Variants in LEKR1 observed in about 807,000 individuals in gnomAD.
LEKR1 encodes leucine, glutamate and lysine rich 1.
LEKR1 carries 59 observed loss-of-function variants against 72.4 expected under a neutral mutation model. The observed-to-expected ratio is 0.82, with a 90% CI of 0.66 to 1.01. The LOEUF is 1.01. LEKR1 is among the 50% of genes least tolerant of loss of function. The pLI, the probability that LEKR1 is intolerant of heterozygous loss-of-function variation, is 0.00. For missense variants in LEKR1, 728 were observed against 759.2 expected, an observed-to-expected ratio of 0.96 and a Z score of 0.48; for synonymous variants, 257 against 263.2, an observed-to-expected ratio of 0.98 and a Z score of 0.23.
intron 1 of LEKR1, among the ~76,000 whole-genome samples, chr3:156,827,263 C>T (rs1052250803): frequency 2.6e-5 from 4 of 152,154 alleles, no homozygotes; most frequent in African/African-American, 9.7e-5. Flanking sequence ...TCTTGAGGAC[C>T]TGGAAGCCAT....
At chr3:156,954,083 T>C (rs964760721) in intron 6 of LEKR1, among the ~76,000 whole-genome samples, 5 of 152,088 alleles carry the variant, frequency 3.3e-5, no homozygotes, top group African/African-American at 1.2e-4. Flanking sequence ...TGGTATCTTA[T>C]TGTGGTTTTA....
At chr3:156,959,574 A>G (rs1727934671) in intron 6 of LEKR1, among the ~76,000 whole-genome samples, 1 of 152,038 alleles carries the variant, frequency 6.6e-6, no homozygotes, top group Non-Finnish European at 1.5e-5. Flanking sequence ...TTTTTTCTTC[A>G]GAGAATTCAA....
chr3:157,022,905 C>A (rs942898453), intron 10 of LEKR1, among the ~76,000 whole-genome samples: 6 of 152,178 alleles, frequency 3.9e-5, no homozygotes, highest in Admixed American at 3.3e-4. Context: ...CAAAATAACT[C>A]TTTGCATTCA....
intron 12 of LEKR1, among the ~76,000 whole-genome samples, chr3:157,041,755 G>C (rs1161139689): frequency 6.6e-6 from 1 of 151,800 alleles, no homozygotes; most frequent in Non-Finnish European, 1.5e-5. Context: ...CTAAAACATA[G>C]AATATTGTGC....
At chr3:156,918,719 C>A (rs1159321608) in intron 3 of LEKR1, among the ~76,000 whole-genome samples, 1 of 151,766 alleles carries the variant, frequency 6.6e-6, no homozygotes, top group Non-Finnish European at 1.5e-5. Context: ...TAGGAAATAT[C>A]AGTGTAAACA....
intron 6 of LEKR1, among the ~76,000 whole-genome samples, chr3:156,971,617 C>A (rs1379665017): frequency 6.6e-6 from 1 of 152,100 alleles, no homozygotes; most frequent in Admixed American, 6.5e-5. Flanking sequence ...TATCCAGAAT[C>A]TACAAAGAAC....
At chr3:156,882,137 CA>C (rs1342125279) in intron 3 of LEKR1, among the ~76,000 whole-genome samples, 1 of 150,526 alleles carries the variant, frequency 6.6e-6, no homozygotes, top group Non-Finnish European at 1.5e-5. Flanking sequence ...CAACAAAAGA[CA>C]AAATTGACAA....
intron 5 of LEKR1, among the ~76,000 whole-genome samples, chr3:156,932,520 C>A (rs906920338): frequency 5.3e-5 from 8 of 152,072 alleles, no homozygotes; most frequent in African/African-American, 1.9e-4. Context: ...TGAGACCAGC[C>A]TGGGCAACAT....
intron 3 of LEKR1, among the ~76,000 whole-genome samples, chr3:156,876,603 CT>C (rs1199994788): frequency 1.3e-5 from 2 of 152,080 alleles, no homozygotes; most frequent in African/African-American, 4.8e-5. Flanking sequence ...GGATAGAGTT[CT>C]TTATTTGATT....
intron 9 of LEKR1, among the ~76,000 whole-genome samples, chr3:156,993,576 T>G (rs1234634983): frequency 2.8e-4 from 42 of 152,260 alleles, no homozygotes; most frequent in Admixed American, 2.7e-3. Flanking sequence ...GTGTGATACT[T>G]GTACTACTAA....
chr3:156,909,670 AAAG>A (rs1386497017), intron 3 of LEKR1, among the ~76,000 whole-genome samples: 1 of 72,846 alleles, frequency 1.4e-5, no homozygotes, highest in Non-Finnish European at 2.5e-5. Flanking sequence ...AAAAAAAAAA[AAAG>A]AAATCTTCAA....
chr3:156,861,377 CTT>C (rs1716743530), intron 3 of LEKR1, among the ~76,000 whole-genome samples: 1 of 152,094 alleles, frequency 6.6e-6, no homozygotes, highest in Admixed American at 6.6e-5. Context: ...ATTGGGACAA[CTT>C]AATTTTGAAT....
intron 3 of LEKR1, among the ~76,000 whole-genome samples, chr3:156,906,312 A>G (rs1253669013): frequency 6.6e-6 from 1 of 152,210 alleles, no homozygotes; most frequent in Non-Finnish European, 1.5e-5. Flanking sequence ...TTCTCACATT[A>G]TCCATTTTAA....
chr3:156,862,393 G>A (rs78324280), intron 3 of LEKR1, among the ~76,000 whole-genome samples: 19 of 152,082 alleles, frequency 1.2e-4, no homozygotes, highest in Non-Finnish European at 2.8e-4. Flanking sequence ...GAATGAATTC[G>A]AAGGGAGGCA....
At chr3:156,911,595 C>T (rs1723114661) in intron 3 of LEKR1, among the ~76,000 whole-genome samples, 1 of 151,860 alleles carries the variant, frequency 6.6e-6, no homozygotes, top group African/African-American at 2.4e-5. Flanking sequence ...GTTGAGAAGG[C>T]TATTTCCTAG....
At chr3:157,006,869 AG>A (rs1732477925) in intron 9 of LEKR1, among the ~76,000 whole-genome samples, 1 of 105,804 alleles carries the variant, frequency 9.5e-6, no homozygotes, top group Non-Finnish European at 2.3e-5. Flanking sequence ...CAGAAACCAA[AG>A]TATTGATTGC....
intron 10 of LEKR1, chr3:157,017,450 A>G (rs1733436646): frequency 6.6e-6 from 1 of 152,214 alleles, no homozygotes; most frequent in East Asian, 1.9e-4. Context: ...TTACTGCTCT[A>G]TATGTGACCT....
At chr3:156,945,141 T>A (rs1158321143) in intron 6 of LEKR1, among the ~76,000 whole-genome samples, 1 of 151,894 alleles carries the variant, frequency 6.6e-6, no homozygotes. Flanking sequence ...CTCAGTATAG[T>A]TTTGATTTGC....
At chr3:156,858,467 G>A (rs1407087593) in intron 3 of LEKR1, among the ~76,000 whole-genome samples, 1 of 152,086 alleles carries the variant, frequency 6.6e-6, no homozygotes, top group East Asian at 1.9e-4. Flanking sequence ...GAGGTCAGGA[G>A]TTTGAGACCA....
Sources: allele counts gnomAD v4.1 joint callset (sites outside exome capture counted in the v4.1 genomes callset), GRCh38; gene constraint gnomAD v4.1.1; transcripts MANE v1.5; gene names NCBI Gene and HGNC (gene_info 2026-07-23, HGNC 2026-07-21).